The following COL6A1 variants were observed in gnomAD, a reference collection of about 807,000 sequenced individuals.
The protein encoded by COL6A1 is collagen alpha-1(VI) chain.
COL6A1 carries 80 observed loss-of-function variants against 145.6 expected under a neutral mutation model. The ratio of observed to expected loss-of-function variants is 0.55; its 90% CI spans 0.46 to 0.66. The LOEUF is 0.66. Ranked by LOEUF, COL6A1 falls within the 30% of genes least tolerant of loss-of-function variation. The probability of loss-of-function intolerance (pLI) is 0.00; values close to 1 mark genes in which losing one functional copy is unlikely to be tolerated. For synonymous variants in COL6A1, 638 were observed against 622.8 expected (o/e 1.02, Z -0.36); for missense variants, 1,364 against 1,473.8 (o/e 0.93, Z 1.22).
Position 45,994,306 on chromosome 21 carries a change from C to T in COL6A1, c.1398+77C>T, listed in dbSNP as rs765649740. ...TAGAAGTGCTCCAGCAGCTCACGCA[C>T]TGGGGGTCTGTTCATTTCCGTTTGA... On this transcript the variant is annotated intron_variant, in intron 20 of 34. Coordinates refer to ENST00000361866, the MANE Select transcript of COL6A1 (RefSeq NM_001848.3). This position sits in a 1 kb window ranked among gnomAD's most constrained non-coding sequence, Gnocchi z 6.8. The T allele has an allele frequency of 4.5e-6, 6 of 1,345,598 alleles. No homozygotes were observed. Among genetic ancestry groups the T allele is most frequent in the Non-Finnish European group, 6.3e-6 (6 of 957,728 alleles). The allele number at this position is 1,345,598 out of a possible 1,614,324, so 83.4% of individuals were successfully genotyped here.
chr21:45,997,780 C>G lies in COL6A1; in HGVS notation c.1524+18C>G. On this transcript the variant is annotated intron_variant, in intron 22 of 34. Transcript: ENST00000361866. ...GTGAAAGGGTGAGTGTCCAACAGCT[C>G]GGGCCCTAGGGCGGAGGCCTGGCCG... The G allele has an allele frequency of 4.4e-6, 7 of 1,574,456 alleles. No homozygotes were observed. Among genetic ancestry groups the G allele is most frequent in the Non-Finnish European group, 6.0e-6 (7 of 1,160,228 alleles).
chr21:45,998,426 G>C lies in COL6A1; in HGVS notation c.1604G>C (p.Gly535Ala). 1 of 1,613,302 alleles carries C rather than the reference G, an allele frequency of 6.2e-7. No homozygotes were observed. Among genetic ancestry groups the C allele is most frequent in the South Asian group, 1.1e-5 (1 of 91,084 alleles). Reference sequence around the variant, plus strand: ...TATCCGGGCAACAGGGGCGCTCCCGGGATAAACGTGAGTACGCCCCCTCCT... The same window carrying C: ...TATCCGGGCAACAGGGGCGCTCCCGCGATAAACGTGAGTACGCCCCCTCCT... ...PGYPGNRGAP[G>A]INGTKGYPGL... Residue 535 changes from glycine to alanine, a missense_variant, in exon 24 of 35, where the codon GGG becomes GCG. Gly to Ala is a moderately conservative substitution (Grantham distance 60). Coordinates refer to ENST00000361866, the MANE Select transcript of COL6A1 (RefSeq NM_001848.3).
At chr21:46,002,750 G>C in intron 33 of COL6A1, 40 bp downstream of exon 33, 1 of 1,555,756 alleles carries the variant, frequency 6.4e-7, no homozygotes, top group South Asian at 1.2e-5. Context: ...GATCTGCGTA[G>C]GTGCGCGCGG....
At chr21:45,998,281 T>C in intron 23 of COL6A1, 110 bp downstream of exon 23, 2 of 1,580,874 alleles carry the variant, frequency 1.3e-6, no homozygotes, top group East Asian at 4.6e-5. Context: ...GACCGCCGGC[T>C]GGCCCAGGAA....
rs970927232 is a variant in COL6A1 at position 46,003,839 on chromosome 21, G to A, written c.2913G>A (p.Val971=). 6.2e-7 allele frequency: 1 copy of A among 1,602,568 alleles called. No individual in the cohort carries two copies. Among genetic ancestry groups the A allele is most frequent in the East Asian group, 2.2e-5 (1 of 44,600 alleles). ...AGCGGGCAGGCATCGAGATCTTCGT[G>A]GTGGTCGTGGGCCGCCAGGTGAATG... The part of the protein sequence containing the change: ...EAQRAGIEIF[V]VVVGRQVNEP... The change falls in exon 35 of 35, where the codon GTG becomes GTA. Residue 971 remains valine, a synonymous_variant. Transcript: ENST00000361866.
At chr21:46,000,611 G>C in intron 28 of COL6A1, 148 bp from the exon 29 acceptor site, 1 of 1,355,770 alleles carries the variant, frequency 7.4e-7, no homozygotes, top group Non-Finnish European at 1.0e-6. Flanking sequence ...GGGAGGCGGG[G>C]AGGCGGGGCA....
chr21:45,984,929 CAG>C (rs1477799715), intron 3 of COL6A1, among the ~76,000 whole-genome samples: 4 of 146,120 alleles, frequency 2.7e-5, no homozygotes, highest in African/African-American at 1.0e-4. Flanking sequence ...GACAGACAAA[CAG>C]AGACAGAGAG....
rs764670520 is a variant in COL6A1 at position 46,001,272 on chromosome 21, C to T, written c.1842C>T (p.Ile614=). The change falls in exon 30 of 35, where the codon ATC becomes ATT. Residue 614 remains isoleucine (I), a synonymous_variant. Transcript: ENST00000361866. ...CTGCAGAATGCAAGTGCGGCCCCAT[C>T]GACCTCCTGTTCGTGCTGGACAGCT... ...CSCCECKCGP[I]DLLFVLDSSE... 18 of 1,610,110 alleles carry T rather than the reference C, an allele frequency of 1.1e-5. No homozygotes were observed. The highest frequency in any genetic ancestry group is 7.7e-5 in the South Asian group (7 of 91,088).
intron 20 of COL6A1, 45 bp from the exon 21 acceptor site, chr21:45,997,365 AGGGCTCAGGCT>A (rs1194685531): frequency 2.6e-6 from 4 of 1,532,398 alleles, no homozygotes; most frequent in Non-Finnish European, 2.7e-6. Flanking sequence ...AGGGTCAGGG[AGGGCTCAGGCT>A]GGGTGAGGCC....
At position 46,002,318 on chromosome 21, in the gene COL6A1, A is replaced by C; in HGVS notation, c.2167A>C (p.Ile723Leu). The change falls in exon 32 of 35, where the codon ATC becomes CTC. Residue 723 changes from isoleucine to leucine, a missense_variant. Physicochemically the swap from Ile to Leu is conservative, Grantham distance 5. Transcript: ENST00000361866. ...QLLPPSPNNRIALVITDGRSD... is the reference protein window; with the variant it reads ...QLLPPSPNNRLALVITDGRSD... ...GCTGCCGCCCAGCCCGAACAACCGC[A>C]TCGCCCTGGTCATCACTGACGGGCG... is the stretch of plus-strand genomic sequence containing the variant. 1 of 1,593,322 alleles carries C rather than the reference A, an allele frequency of 6.3e-7. No individual in the cohort carries two copies. The highest frequency in any genetic ancestry group is 1.3e-5 in the African/African-American group (1 of 74,758).
intron 15 of COL6A1, among the ~76,000 whole-genome samples, chr21:45,991,559 T>A (rs538827293): frequency 1.1e-4 from 16 of 152,278 alleles, no homozygotes; most frequent in African/African-American, 3.6e-4. Context: ...GCTGGTGTTT[T>A]CTCTGGAGTT....
At chr21:46,003,357 C>G in intron 34 of COL6A1, 34 bp from the exon 35 acceptor site, 1 of 1,600,238 alleles carries the variant, frequency 6.2e-7, no homozygotes, top group Non-Finnish European at 8.5e-7. Context: ...ATCACCAGGG[C>G]CTCATGCTAA....
rs1259676565 is a variant in COL6A1 at position 45,999,674 on chromosome 21, A to G, written c.1758A>G (p.Gln586=). 4 of 1,613,182 alleles carry G rather than the reference A, an allele frequency of 2.5e-6. No individual in the cohort carries two copies. In the African/African-American group the frequency reaches 4.0e-5, roughly 16 times the overall value. ...TCGGACAGGGACCCCCAGGACACCA[A>G]GGACCGCCTGGGCCGGACGTAAGTG... ...PEGPQGPPGH[Q]GPPGPDECEI... is the part of the protein sequence containing the mutation. The change falls in exon 27 of 35, where the codon CAA becomes CAG. Residue 586 remains glutamine, a synonymous_variant. Coordinates refer to ENST00000361866, the MANE Select transcript of COL6A1 (RefSeq NM_001848.3).
intron 3 of COL6A1, among the ~76,000 whole-genome samples, chr21:45,985,763 G>A (rs754638150): frequency 6.6e-6 from 1 of 152,244 alleles, no homozygotes; most frequent in Non-Finnish European, 1.5e-5. Flanking sequence ...CGGTCTCAGA[G>A]GGCCACATGG....
In COL6A1 at chr21:45,986,538, G is replaced by A; in HGVS notation, c.441G>A (p.Leu147=). The change falls in exon 4 of 35, where the codon CTG becomes CTA. Residue 147 remains leucine, a synonymous_variant. Transcript: ENST00000361866. ...CTCTCCTGTCCAGGGGCTCCCACCT[G>A]AAGGAGAATAAGTACCTGATTGTGG... ...LEQLLVGGSH[L]KENKYLIVVT... 1.9e-6 allele frequency: 3 copies of A among 1,561,898 alleles called. No homozygotes were observed. Among genetic ancestry groups the A allele is most frequent in the Non-Finnish European group, 2.6e-6 (3 of 1,153,092 alleles).
In COL6A1 at chr21:46,003,585, G is replaced by A. The variant is rs780234826; in HGVS notation, c.2659G>A (p.Glu887Lys). Residue 887 changes from glutamate (E) to lysine (K), a missense_variant, in exon 35 of 35, where the codon GAG (glutamate) becomes AAG (lysine). By Grantham distance (56) the Glu-to-Lys change is moderately conservative. Around this residue, in one of 3 missense-constraint regions of COL6A1, gnomAD observed 938 missense variants for 1,003.8 expected, o/e 0.93. Transcript: ENST00000361866. ...CAGCGGCACGGGCCAGCAGCGCCCA[G>A]AGCGGGCGTCGCTGCAGTTCCTGCA... ...QYSGTGQQRPERASLQFLQNY... is the reference protein window; with the variant it reads ...QYSGTGQQRPKRASLQFLQNY... 6.2e-7 allele frequency: 1 copy of A among 1,612,668 alleles called. No homozygotes were observed. Among genetic ancestry groups the A allele is most frequent in the African/African-American group, 1.3e-5 (1 of 74,944 alleles).
intron 3 of COL6A1, among the ~76,000 whole-genome samples, chr21:45,984,763 C>T (rs911014530): frequency 6.7e-6 from 1 of 148,766 alleles, no homozygotes; most frequent in Admixed American, 6.6e-5. Flanking sequence ...GACAGGCAGA[C>T]AGAGACAAAC....
chr21:45,997,623 G>A (rs781198658), intron 21 of COL6A1, 77 bp from the exon 22 acceptor site: 37 of 1,549,168 alleles, frequency 2.4e-5, no homozygotes, highest in Admixed American at 1.3e-4. Context: ...GACCTCTCCC[G>A]GCCCCAGGAG....
rs1250220940 is a variant in COL6A1 at position 46,002,365 on chromosome 21, C to T, written c.2214C>T (p.Thr738=). The change falls in exon 32 of 35, where the codon ACC becomes ACT. Residue 738 remains threonine, a synonymous_variant. Coordinates refer to ENST00000361866, the MANE Select transcript of COL6A1 (RefSeq NM_001848.3). ...TDGRSDTQRD[T]TPLNVLCSPG... Reference sequence around the variant, plus strand: ...GGCGCTCAGACACTCAGAGGGACACCACACCGCTCAACGTGCTCTGCAGCC... The same window carrying T: ...GGCGCTCAGACACTCAGAGGGACACTACACCGCTCAACGTGCTCTGCAGCC... The T allele has an allele frequency of 1.1e-5, 17 of 1,593,928 alleles. No homozygotes were observed. The highest frequency in any genetic ancestry group is 1.3e-5 in the Non-Finnish European group (15 of 1,170,856).
Sources: gnomAD v4.1 joint callset for allele counts (sites outside exome capture counted in the v4.1 genomes callset) on GRCh38, gnomAD v4.1.1 for gene constraint, gnomAD v4.1.1 regional missense constraint, Gnocchi (gnomAD v3.1) non-coding constraint, MANE v1.5 for transcripts, NCBI Gene and HGNC (gene_info 2026-07-23, HGNC 2026-07-21) for gene names.